SHROOM3: variants seen among roughly 807,000 people sequenced by gnomAD.
The protein encoded by SHROOM3 is protein Shroom3.
In SHROOM3, 47 loss-of-function variants were observed where a neutral mutation model predicts 138.6. The observed-to-expected ratio is 0.34, with a 90% CI of 0.27 to 0.43. The LOEUF is 0.43. SHROOM3 is among the 20% of genes least tolerant of loss of function. The probability of loss-of-function intolerance (pLI) is 1.00; values close to 1 mark genes in which losing one functional copy is unlikely to be tolerated. For synonymous variants in SHROOM3, 1,062 were observed against 1,063.3 expected (o/e 1.00, Z 0.02); for missense variants, 2,491 against 2,596.5 (o/e 0.96, Z 0.88).
intron 2 of SHROOM3, among the ~76,000 whole-genome samples, chr4:76,670,778 C>G (rs1346440431): frequency 6.6e-6 from 1 of 151,922 alleles, no homozygotes; most frequent in Non-Finnish European, 1.5e-5. Context: ...TATGGCAAAA[C>G]CCTCTCTCTA....
In SHROOM3 at chr4:76,740,120, G is replaced by A; in HGVS notation, c.1947G>A (p.Gln649=). ...GGCTGGAGAGAGAAGGCCTAGGCCA[G>A]AGCCTGTCAGGCAACTTTGGCAAGA... is the stretch of plus-strand genomic sequence containing the variant. ...WRRLEREGLG[Q]SLSGNFGKTK... is the part of the protein sequence containing the mutation. Residue 649 remains glutamine (Q), a synonymous_variant, in exon 5 of 11, where the codon CAG becomes CAA. Coordinates refer to ENST00000296043, the MANE Select transcript of SHROOM3 (RefSeq NM_020859.4). This position sits in a 1 kb window ranked among gnomAD's most constrained non-coding sequence, Gnocchi z 4.0. 1 of 1,613,800 alleles carries A rather than the reference G, an allele frequency of 6.2e-7. No homozygotes were observed. Among genetic ancestry groups the A allele is most frequent in the Non-Finnish European group, 8.5e-7 (1 of 1,180,028 alleles).
chr4:76,582,814 G>T (rs1560553706), intron 2 of SHROOM3, among the ~76,000 whole-genome samples: 1 of 152,198 alleles, frequency 6.6e-6, no homozygotes, highest in Non-Finnish European at 1.5e-5. Flanking sequence ...TAAGTAACGT[G>T]TTCAAGGTCA....
At chr4:76,556,985 A>T (rs564854478) in intron 2 of SHROOM3, among the ~76,000 whole-genome samples, 43 of 152,254 alleles carry the variant, frequency 2.8e-4, no homozygotes, top group South Asian at 1.9e-3. Flanking sequence ...GTGGTCAGTG[A>T]TGCAGAGTGG....
intron 10 of SHROOM3, among the ~76,000 whole-genome samples, chr4:76,773,493 C>T (rs906774757): frequency 9.9e-5 from 15 of 151,834 alleles, no homozygotes; most frequent in African/African-American, 3.6e-4. Context: ...AGGGGGAAAC[C>T]AGGAAGGGGT....
At chr4:76,724,909 T>C (rs1720655168) in intron 3 of SHROOM3, among the ~76,000 whole-genome samples, 1 of 152,198 alleles carries the variant, frequency 6.6e-6, no homozygotes, top group Admixed American at 6.5e-5. Flanking sequence ...AAACTGGCCT[T>C]CATTCAGGTT....
At chr4:76,760,534 T>C (rs1721956351) in intron 9 of SHROOM3, among the ~76,000 whole-genome samples, 1 of 152,324 alleles carries the variant, frequency 6.6e-6, no homozygotes, top group Admixed American at 6.5e-5. Context: ...GGAGAAACTT[T>C]CTAGGGTGAT....
chr4:76,510,114 C>A lies in SHROOM3; in HGVS notation c.169-45495C>A, dbSNP rs192529277. On this transcript the variant is annotated intron_variant, in intron 1 of 10. Transcript: ENST00000296043. ...CCTCAGTTAAGATTGTAATTTTAGA[C>A]CCCGTACTTTTCCTTCTATAAATCT... Among the ~76,000 whole-genome samples the A allele has an allele frequency of 4.7e-3, 714 of 152,210 alleles. 6 individuals carry two copies. The highest frequency in any genetic ancestry group is 6.2e-3 in the Non-Finnish European group (425 of 68,006).
At chr4:76,766,401 G>C (rs1370508191) in intron 9 of SHROOM3, among the ~76,000 whole-genome samples, 2 of 152,216 alleles carry the variant, frequency 1.3e-5, no homozygotes, top group South Asian at 2.1e-4. Flanking sequence ...GGCAGGAAGT[G>C]GGGAAGGGTC....
At chr4:76,565,797 G>A (rs1395372306) in intron 2 of SHROOM3, among the ~76,000 whole-genome samples, 7 of 152,240 alleles carry the variant, frequency 4.6e-5, no homozygotes, top group South Asian at 4.1e-4. Flanking sequence ...ATGTGGGGGT[G>A]TAGCCCTGTA....
At chr4:76,475,602 ATATTCAATGCAGAAGTTGCAT>A (rs1213980771) in intron 1 of SHROOM3, among the ~76,000 whole-genome samples, 1 of 152,266 alleles carries the variant, frequency 6.6e-6, no homozygotes, top group African/African-American at 2.4e-5. Flanking sequence ...GTAAAATAAA[ATATTCAATGCAGAAGTTGCAT>A]AAAACCTGTT....
chr4:76,471,844 C>T (rs1415664409), intron 1 of SHROOM3, among the ~76,000 whole-genome samples: 2 of 152,094 alleles, frequency 1.3e-5, no homozygotes, highest in African/African-American at 2.4e-5. Context: ...GTAAGAGCAG[C>T]TCTCAGTTCT....
chr4:76,775,058 C>T (rs1011965642), intron 10 of SHROOM3, among the ~76,000 whole-genome samples: 11 of 151,984 alleles, frequency 7.2e-5, no homozygotes, highest in South Asian at 2.1e-4. Context: ...CTCCATCACC[C>T]GAGCACTGTA....
rs537856044 is a variant in SHROOM3 at position 76,522,491 on chromosome 4, C to G, written c.169-33118C>G. 1.7e-4 allele frequency among the ~76,000 whole-genome samples: 26 copies of G among 152,090 alleles called. No homozygotes were observed. The South Asian group carries it at 5.4e-3, about 32-fold the overall frequency. On this transcript the variant is annotated intron_variant, in intron 1 of 10. Transcript: ENST00000296043. ...CAGCTCTGCTGGTCTAAGCTCTGAC[C>G]AGGTTGCTTCTCAGAATTCTTGTTT...
intron 2 of SHROOM3, among the ~76,000 whole-genome samples, chr4:76,595,480 A>G (rs1207922248): frequency 6.6e-6 from 1 of 152,222 alleles, no homozygotes; most frequent in African/African-American, 2.4e-5. Context: ...TGTTTGCTGC[A>G]GCTCCAGGCA....
rs548540745 is a variant in SHROOM3, at chr4:76,753,215, A to G, written c.3828-1096A>G. On this transcript the variant is annotated intron_variant, in intron 6 of 10. Coordinates refer to ENST00000296043, the MANE Select transcript of SHROOM3 (RefSeq NM_020859.4). Reference sequence around the variant, plus strand: ...TGGGAAGGGAGGGGTTGCATCAGAGAGAGAGGTGGGCCCTTTATTCCATCA... The same window carrying G: ...TGGGAAGGGAGGGGTTGCATCAGAGGGAGAGGTGGGCCCTTTATTCCATCA... 2.6e-5 allele frequency among the ~76,000 whole-genome samples: 4 copies of G among 152,358 alleles called. No homozygotes were observed. In the East Asian group the frequency reaches 7.7e-4, roughly 29 times the overall value.
chr4:76,763,124 A>T (rs572253112), intron 9 of SHROOM3, among the ~76,000 whole-genome samples: 1 of 152,234 alleles, frequency 6.6e-6, no homozygotes, highest in Non-Finnish European at 1.5e-5. Flanking sequence ...AGTGGCTCAC[A>T]CCTGTAATCC....
intron 2 of SHROOM3, among the ~76,000 whole-genome samples, chr4:76,616,786 C>T (rs61030553): frequency 6.6e-5 from 10 of 152,286 alleles, no homozygotes; most frequent in African/African-American, 2.4e-4. Flanking sequence ...TTGCACTTAA[C>T]ACTATGAACT....
chr4:76,648,349 A>T (rs1157740044), intron 2 of SHROOM3, among the ~76,000 whole-genome samples: 1 of 152,172 alleles, frequency 6.6e-6, no homozygotes, highest in African/African-American at 2.4e-5. Flanking sequence ...AGAAAGAAAA[A>T]CAAAAAACCA....
chr4:76,774,198 T>G (rs1428295766), intron 10 of SHROOM3, among the ~76,000 whole-genome samples: 1 of 152,172 alleles, frequency 6.6e-6, no homozygotes, highest in Non-Finnish European at 1.5e-5. Context: ...TCTAGATATC[T>G]GAGACAAGAA....
Sources: gnomAD v4.1 joint callset for allele counts (sites outside exome capture counted in the v4.1 genomes callset) on GRCh38, gnomAD v4.1.1 for gene constraint, Gnocchi (gnomAD v3.1) non-coding constraint, MANE v1.5 for transcripts, NCBI Gene and HGNC (gene_info 2026-07-23, HGNC 2026-07-21) for gene names.